CDYL: variants seen among roughly 807,000 people sequenced by gnomAD.
CDYL encodes chromodomain Y like, also known as chromodomain Y-like protein.
CDYL carries 8 observed loss-of-function variants against 47.3 expected under a neutral mutation model. The observed-to-expected ratio is 0.17, with a 90% CI of 0.10 to 0.31. The LOEUF is 0.31. Ranked by LOEUF, CDYL falls within the 10% of genes least tolerant of loss-of-function variation. CDYL has a pLI of 1.00. For synonymous variants in CDYL, 266 were observed against 265.0 expected, an observed-to-expected ratio of 1.00 and a Z score of -0.04; for missense variants, 471 against 701.4, an observed-to-expected ratio of 0.67 and a Z score of 3.71.
chr6:4,758,351 A>ATATATATAGATATATATATATATATAT (rs1758108099), intron 3 of CDYL, among the ~76,000 whole-genome samples: 1 of 129,074 alleles, frequency 7.7e-6, no homozygotes. Flanking sequence ...AAAATAAATA[A>ATATATATAGATATATATATATATATAT]ATATATATAT....
At chr6:4,929,371 T>G (rs1757967820) in intron 2 of CDYL, among the ~76,000 whole-genome samples, 1 of 152,072 alleles carries the variant, frequency 6.6e-6, no homozygotes, top group Non-Finnish European at 1.5e-5. Context: ...ATAATAGGCC[T>G]TAGTTTGGGG....
chr6:4,792,064 T>G (rs1215553390), intron 1 of CDYL, among the ~76,000 whole-genome samples: 1 of 150,984 alleles, frequency 6.6e-6, no homozygotes, highest in Admixed American at 6.6e-5. Flanking sequence ...TTTTTTTTTT[T>G]TGTATTTTTA....
rs143610729 is a variant in CDYL at position 4,739,822 on chromosome 6, G to A, written c.186+4978G>A. ...TACAAAATTAGCTGGGCATGGTGGC[G>A]CATGCCTGTATTCCCAGCTACTCGG... On this transcript the variant is annotated intron_variant, in intron 3 of 8. Coordinates refer to the CDYL transcript ENST00000328908. Among the ~76,000 whole-genome samples the A allele has an allele frequency of 5.3e-5, 8 of 151,726 alleles. No individual in the cohort carries two copies. The East Asian group carries it at 5.9e-4, about 11-fold the overall frequency.
chr6:4,856,352 A>T (rs1446669383), intron 1 of CDYL, among the ~76,000 whole-genome samples: 1 of 152,218 alleles, frequency 6.6e-6, no homozygotes, highest in Non-Finnish European at 1.5e-5. Context: ...TGAAGTGAAG[A>T]GGTCGGCCGG....
intron 5 of CDYL, among the ~76,000 whole-genome samples, chr6:4,949,259 G>A (rs62384702): frequency 6.6e-6 from 1 of 152,206 alleles, no homozygotes; most frequent in Non-Finnish European, 1.5e-5. Context: ...GGGGCCTGCT[G>A]GGGTGTGAAG....
intron 1 of CDYL, among the ~76,000 whole-genome samples, chr6:4,818,072 A>G (rs1452922744): frequency 6.6e-6 from 1 of 152,116 alleles, no homozygotes; most frequent in Non-Finnish European, 1.5e-5. Flanking sequence ...CCTTGGCAAC[A>G]TGGCAAAACC....
chr6:4,789,943 T>C (rs1182407102), intron 1 of CDYL, among the ~76,000 whole-genome samples: 1 of 152,238 alleles, frequency 6.6e-6, no homozygotes, highest in African/African-American at 2.4e-5. Flanking sequence ...AGCTGCCCTT[T>C]ATGCCTTTGT....
At chr6:4,860,497 A>G (rs1298413755) in intron 1 of CDYL, among the ~76,000 whole-genome samples, 1 of 147,032 alleles carries the variant, frequency 6.8e-6, no homozygotes. Flanking sequence ...CTAATAGGAA[A>G]TATATATATA....
At chr6:4,850,175 C>T (rs1217611133) in intron 1 of CDYL, among the ~76,000 whole-genome samples, 1 of 152,172 alleles carries the variant, frequency 6.6e-6, no homozygotes, top group African/African-American at 2.4e-5. Flanking sequence ...TAATGCTTCA[C>T]GCTAATTGCC....
At chr6:4,914,221 T>TC (rs11437399) in intron 2 of CDYL, among the ~76,000 whole-genome samples, 41 of 150,580 alleles carry the variant, frequency 2.7e-4, no homozygotes, top group African/African-American at 4.2e-4. Flanking sequence ...TTTTTTTTTT[T>TC]CCACACTCTC....
intron 3 of CDYL, among the ~76,000 whole-genome samples, chr6:4,752,276 C>T (rs569013892): frequency 6.6e-6 from 1 of 152,272 alleles, no homozygotes; most frequent in Non-Finnish European, 1.5e-5. Flanking sequence ...TCCCTTCCTT[C>T]CCAAGATGAA....
At chr6:4,744,850 T>G (rs1212687095) in intron 3 of CDYL, among the ~76,000 whole-genome samples, 2 of 152,192 alleles carry the variant, frequency 1.3e-5, no homozygotes, top group African/African-American at 4.8e-5. Flanking sequence ...TTGAGCTTTT[T>G]TTTTTCTTCA....
At chr6:4,851,834 C>T (rs1225588733) in intron 1 of CDYL, among the ~76,000 whole-genome samples, 1 of 152,124 alleles carries the variant, frequency 6.6e-6, no homozygotes, top group African/African-American at 2.4e-5. Context: ...GGGGAATGGT[C>T]CAGGACTGAG....
intron 3 of CDYL, among the ~76,000 whole-genome samples, chr6:4,749,315 G>GGATA (rs71761148): frequency 3.1e-5 from 4 of 128,518 alleles, no homozygotes; most frequent in Non-Finnish European, 6.9e-5. Flanking sequence ...ATAGATGGAT[G>GGATA]GATGGATGGA....
At chr6:4,884,621 G>T (rs2127479959) in intron 1 of CDYL, among the ~76,000 whole-genome samples, 1 of 152,314 alleles carries the variant, frequency 6.6e-6, no homozygotes, top group South Asian at 2.1e-4. Context: ...GTTGGTGTAA[G>T]CAGTTAGCCT....
intron 1 of CDYL, among the ~76,000 whole-genome samples, chr6:4,790,483 T>G (rs910977560): frequency 3.3e-5 from 5 of 152,180 alleles, no homozygotes; most frequent in African/African-American, 1.2e-4. Context: ...GTTAGGAGAA[T>G]TTCTGAAGCG....
intron 2 of CDYL, among the ~76,000 whole-genome samples, chr6:4,922,516 A>G (rs1757746189): frequency 6.6e-6 from 1 of 152,254 alleles, no homozygotes. Flanking sequence ...AGACCATTTC[A>G]CTGTGAATGG....
chr6:4,890,374 G>A (rs1036737514), intron 1 of CDYL, among the ~76,000 whole-genome samples: 3 of 152,144 alleles, frequency 2.0e-5, no homozygotes, highest in Non-Finnish European at 4.4e-5. Context: ...GCGTGGACTC[G>A]CCCTTGGTGA....
intron 2 of CDYL, among the ~76,000 whole-genome samples, chr6:4,731,581 G>T (rs970519559): frequency 1.3e-5 from 2 of 152,134 alleles, no homozygotes; most frequent in African/African-American, 4.8e-5. Flanking sequence ...CAGATCACTT[G>T]AGGTCAGGAG....
Sources: allele counts gnomAD v4.1 joint callset (sites outside exome capture counted in the v4.1 genomes callset), GRCh38; gene constraint gnomAD v4.1.1; transcripts MANE v1.5; gene names NCBI Gene and HGNC (gene_info 2026-07-23, HGNC 2026-07-21).